Variants in CEP128 observed in about 807,000 individuals in gnomAD.
The protein encoded by CEP128 is centrosomal protein 128, also known as centrosomal protein 128kDa.
Under a neutral mutation model 156.7 loss-of-function variants are expected in CEP128, and 132 were observed. That is an observed-to-expected ratio of 0.84 (90% CI 0.73 to 0.97). CEP128 has a LOEUF of 0.97. Among genes scored for constraint, CEP128 ranks in the 50% least tolerant of loss-of-function variants. The pLI, the probability that CEP128 is intolerant of heterozygous loss-of-function variation, is 0.00. For synonymous variants in CEP128, 469 were observed against 448.9 expected (o/e 1.04, Z -0.57); for missense variants, 1,252 against 1,281.9 (o/e 0.98, Z 0.36).
intron 4 of CEP128, among the ~76,000 whole-genome samples, chr14:80,910,779 C>T (rs937492850): frequency 1.3e-5 from 2 of 152,094 alleles, no homozygotes; most frequent in African/African-American, 4.8e-5. Flanking sequence ...AAAGATAAAA[C>T]AATTTGAGCA....
At chr14:80,695,645 A>G (rs1444076557) in intron 19 of CEP128, among the ~76,000 whole-genome samples, 1 of 149,854 alleles carries the variant, frequency 6.7e-6, no homozygotes, top group African/African-American at 2.5e-5. Context: ...TGAACCCGGG[A>G]GGCAGAGGTC....
chr14:80,745,287 G>A (rs1899041130), intron 18 of CEP128, among the ~76,000 whole-genome samples: 2 of 152,018 alleles, frequency 1.3e-5, no homozygotes, highest in African/African-American at 4.8e-5. Flanking sequence ...TAAGTTTCCT[G>A]AGGCCTCCCC....
At chr14:80,902,126 C>T (rs957148019) in intron 6 of CEP128, among the ~76,000 whole-genome samples, 2 of 152,090 alleles carry the variant, frequency 1.3e-5, no homozygotes, top group African/African-American at 4.8e-5. Context: ...ATTCTGTAGC[C>T]CTATGCATCT....
At chr14:80,734,559 A>G (rs998991056) in intron 19 of CEP128, among the ~76,000 whole-genome samples, 6 of 152,112 alleles carry the variant, frequency 3.9e-5, no homozygotes, top group African/African-American at 1.4e-4. Flanking sequence ...GTTTAAAACA[A>G]TAACTGAGGG....
intron 20 of CEP128, among the ~76,000 whole-genome samples, chr14:80,571,541 T>C (rs536143975): frequency 6.6e-6 from 1 of 152,294 alleles, no homozygotes; most frequent in South Asian, 2.1e-4. Context: ...CACTTTAGAA[T>C]CAATTTTTAA....
chr14:80,853,580 A>G (rs927828793), intron 9 of CEP128, among the ~76,000 whole-genome samples: 5 of 151,986 alleles, frequency 3.3e-5, no homozygotes, highest in Admixed American at 1.3e-4. Flanking sequence ...TAAGTCTAAC[A>G]AAAGAGGTCT....
At chr14:80,632,775 TG>T (rs1481779111) in intron 19 of CEP128, among the ~76,000 whole-genome samples, 6 of 152,172 alleles carry the variant, frequency 3.9e-5, no homozygotes, top group African/African-American at 1.4e-4. Flanking sequence ...CACGGGTGTA[TG>T]TCTGGGAGTG....
intron 4 of CEP128, among the ~76,000 whole-genome samples, chr14:80,913,706 T>G (rs375178215): frequency 1.3e-5 from 2 of 150,222 alleles, no homozygotes; most frequent in Non-Finnish European, 3.0e-5. Context: ...ATAATGGACA[T>G]TGGAGACTCA....
chr14:80,911,738 C>T (rs7154132), intron 4 of CEP128, among the ~76,000 whole-genome samples: 104,166 of 151,616 alleles, frequency 0.69, 36,889 homozygotes, highest in African/African-American at 0.87. Context: ...TAGATTTGGT[C>T]GTTCAGTAAA....
rs1041368514 is a variant in CEP128 at position 80,743,844 on chromosome 14, TTTTC to T, written c.2614-581_2614-578del. Among the ~76,000 whole-genome samples, 11 of 151,898 alleles carry T rather than the reference TTTTC, an allele frequency of 7.2e-5. No individual in the cohort carries two copies. In the South Asian group the frequency reaches 8.3e-4, roughly 11 times the overall value. ...ACAGATTCTAACCTCACCTACCTTTTTTTCTTTCTTTCTTTCTCTCTCTCTCTCA... is the reference window on the plus strand; with the variant it reads ...ACAGATTCTAACCTCACCTACCTTTTTTTCTTTCTTTCTCTCTCTCTCTCA... On this transcript the variant is annotated intron_variant, in intron 18 of 24. Coordinates refer to ENST00000555265, the MANE Select transcript of CEP128 (RefSeq NM_152446.5).
rs558176890 is a variant in CEP128, at chr14:80,717,286, A to G, written c.2806+25789T>C. 6.6e-5 allele frequency among the ~76,000 whole-genome samples: 10 copies of G among 152,334 alleles called. No individual in the cohort carries two copies. In the East Asian group the frequency reaches 1.7e-3, roughly 26 times the overall value. On this transcript the variant is annotated intron_variant, in intron 19 of 24. Transcript: ENST00000555265. ...ATTGAAATCAAATATTTTAAAGAAC[A>G]TATGAAAATACTGGAATACTCCCAA...
chr14:80,690,733 G>A (rs1422644455), intron 19 of CEP128, among the ~76,000 whole-genome samples: 1 of 152,020 alleles, frequency 6.6e-6, no homozygotes, highest in African/African-American at 2.4e-5. Flanking sequence ...CTACTTAGTG[G>A]CTTCCCCACT....
rs538068426 is a variant in CEP128 at position 80,928,216 on chromosome 14, G to A, written c.-16+11169C>T. 5.9e-5 allele frequency among the ~76,000 whole-genome samples: 9 copies of A among 152,226 alleles called. No homozygotes were observed. The East Asian group carries it at 1.7e-3, about 29-fold the overall frequency. ...GAAGGAAACTAGAAAAATAATTCTG[G>A]CAATATGAAAGAACAGAGTTCTATA... is the stretch of plus-strand genomic sequence containing the variant. On this transcript the variant is annotated intron_variant, in intron 2 of 24. Coordinates refer to ENST00000555265, the MANE Select transcript of CEP128 (RefSeq NM_152446.5).
intron 2 of CEP128, among the ~76,000 whole-genome samples, chr14:80,930,953 C>T (rs1486655605): frequency 1.3e-5 from 2 of 152,140 alleles, no homozygotes; most frequent in African/African-American, 4.8e-5. Context: ...CCTCTTTTGG[C>T]TAGCACTATA....
intron 19 of CEP128, among the ~76,000 whole-genome samples, chr14:80,714,008 A>G (rs1168804529): frequency 6.6e-6 from 1 of 152,334 alleles, no homozygotes; most frequent in East Asian, 1.9e-4. Flanking sequence ...GTGAAAAGTT[A>G]GGATAATCCA....
At chr14:80,754,902 C>T (rs1188333114) in intron 18 of CEP128, among the ~76,000 whole-genome samples, 7 of 152,302 alleles carry the variant, frequency 4.6e-5, no homozygotes, top group South Asian at 4.1e-4. Flanking sequence ...CCCTCATCTA[C>T]GGAAACTGCT....
chr14:80,907,374 G>A (rs1279469865), intron 4 of CEP128, among the ~76,000 whole-genome samples: 1 of 152,066 alleles, frequency 6.6e-6, no homozygotes, highest in Admixed American at 6.6e-5. Context: ...CCAGCTATAA[G>A]ATGCAGCATC....
rs2139807662 is a variant in CEP128, at chr14:80,785,063, T to G, written c.2043A>C (p.Thr681=). 6.2e-7 allele frequency: 1 copy of G among 1,614,214 alleles called. No individual in the cohort carries two copies. The highest frequency in any genetic ancestry group is 1.6e-4 in the Middle Eastern group (1 of 6,062). ...GTTCCAGCTTTAACTGTGTGATGAT[T>G]GTAGCTGTTTCTTCATCCCTGGATT... The part of the protein sequence containing the change: ...QAKSRDEETA[T]IITQLKLERD... Residue 681 remains threonine (T), a synonymous_variant, in exon 15 of 25, where the codon ACA becomes ACC. Transcript: ENST00000555265.
At chr14:80,625,754 C>A (rs1292882801) in intron 19 of CEP128, among the ~76,000 whole-genome samples, 2 of 151,418 alleles carry the variant, frequency 1.3e-5, no homozygotes, top group African/African-American at 2.4e-5. Context: ...TCCTTCATTT[C>A]TCTTTCTTTC....
Sources: gnomAD v4.1 joint callset for allele counts (sites outside exome capture counted in the v4.1 genomes callset) on GRCh38, gnomAD v4.1.1 for gene constraint, MANE v1.5 for transcripts, NCBI Gene and HGNC (gene_info 2026-07-23, HGNC 2026-07-21) for gene names.